BTLA: variants seen among roughly 807,000 people sequenced by gnomAD.
The protein encoded by BTLA is B and T lymphocyte associated.
BTLA carries 11 observed loss-of-function variants against 25.0 expected under a neutral mutation model. The ratio of observed to expected loss-of-function variants is 0.44; its 90% CI spans 0.28 to 0.73. The LOEUF is 0.73. Among genes scored for constraint, BTLA ranks in the 30% least tolerant of loss-of-function variants. The pLI is 0.15. For missense variants in BTLA, 282 were observed against 332.8 expected, an observed-to-expected ratio of 0.85 and a Z score of 1.19; for synonymous variants, 104 against 119.8, an observed-to-expected ratio of 0.87 and a Z score of 0.86.
Position 112,499,266 on chromosome 3 carries a change from C to A in BTLA, c.88+5G>T, listed in dbSNP as rs1284619133. 2 of 1,588,234 alleles carry A rather than the reference C, an allele frequency of 1.3e-6. No individual in the cohort carries two copies. The highest frequency in any genetic ancestry group is 1.1e-5 in the South Asian group (1 of 90,498). On this transcript the variant is annotated splice_donor_5th_base_variant and intron_variant, in intron 1 of 4. Transcript: ENST00000334529. ...AACCAGAAATAACCTAAGCAGGTGC[C>A]TTACCATGGATGTTCCAGATGTCCA... is the stretch of plus-strand genomic sequence containing the variant.
In BTLA at chr3:112,489,325, G is replaced by T. The variant is rs528650198; in HGVS notation, c.89-9556C>A. ...AAGTGTAGTTGCTGAGCTGAAGAGA[G>T]TAGGTAATTTTTGAAACCAATCAGC... On this transcript the variant is annotated intron_variant, in intron 1 of 4. Coordinates refer to ENST00000334529, the MANE Select transcript of BTLA (RefSeq NM_181780.4). Among the ~76,000 whole-genome samples the T allele has an allele frequency of 1.2e-4, 18 of 152,198 alleles. No individual in the cohort carries two copies. The South Asian group carries it at 1.9e-3, about 16-fold the overall frequency.
At chr3:112,478,875 A>G (rs1559826032) in intron 2 of BTLA, among the ~76,000 whole-genome samples, 1 of 152,106 alleles carries the variant, frequency 6.6e-6, no homozygotes, top group Admixed American at 6.5e-5. Context: ...TCAGTTGTCA[A>G]AGCATATTAA....
intron 1 of BTLA, among the ~76,000 whole-genome samples, chr3:112,481,002 T>C (rs186238654): frequency 1.1e-3 from 162 of 152,344 alleles, no homozygotes; most frequent in African/African-American, 3.8e-3. Flanking sequence ...CAAAACAAGT[T>C]ATCTACTTCC....
chr3:112,486,925 G>T (rs959377717), intron 1 of BTLA, among the ~76,000 whole-genome samples: 1 of 152,008 alleles, frequency 6.6e-6, no homozygotes, highest in African/African-American at 2.4e-5. Context: ...TGGTATTATT[G>T]TTTATTTAAA....
chr3:112,492,764 C>A (rs951542840), intron 1 of BTLA, among the ~76,000 whole-genome samples: 1 of 152,132 alleles, frequency 6.6e-6, no homozygotes, highest in Non-Finnish European at 1.5e-5. Context: ...GGGCCATAAC[C>A]CCCCAGATAA....
intron 1 of BTLA, among the ~76,000 whole-genome samples, chr3:112,488,141 T>C (rs1271588548): frequency 6.6e-6 from 1 of 152,188 alleles, no homozygotes; most frequent in East Asian, 1.9e-4. Flanking sequence ...GCGTACCAAA[T>C]GGTCTTCTAC....
At chr3:112,481,368 C>G (rs1387223042) in intron 1 of BTLA, among the ~76,000 whole-genome samples, 1 of 152,236 alleles carries the variant, frequency 6.6e-6, no homozygotes, top group Admixed American at 6.5e-5. Flanking sequence ...CTCTTGCATT[C>G]TGCTAGCCTG....
intron 1 of BTLA, among the ~76,000 whole-genome samples, chr3:112,496,401 C>T (rs1244289245): frequency 6.6e-6 from 1 of 152,136 alleles, no homozygotes; most frequent in African/African-American, 2.4e-5. Context: ...GGACCTTAAA[C>T]AGGAAGTTTG....
intron 1 of BTLA, among the ~76,000 whole-genome samples, chr3:112,482,126 A>T (rs1349530020): frequency 1.3e-5 from 2 of 152,128 alleles, no homozygotes; most frequent in Non-Finnish European, 2.9e-5. Context: ...TAAGCACGTG[A>T]TCCTAAAAGT....
intron 1 of BTLA, among the ~76,000 whole-genome samples, chr3:112,488,865 G>A (rs2082364201): frequency 6.6e-6 from 1 of 151,970 alleles, no homozygotes; most frequent in African/African-American, 2.4e-5. Context: ...ACCCGCCTTG[G>A]CCTCCCAAAG....
chr3:112,476,241 A>G (rs2082288202), intron 2 of BTLA, among the ~76,000 whole-genome samples: 1 of 152,298 alleles, frequency 6.6e-6, no homozygotes, highest in South Asian at 2.1e-4. Context: ...CAGAGTCCCT[A>G]ACTCTGCCAT....
chr3:112,493,504 A>G (rs747054981), intron 1 of BTLA, among the ~76,000 whole-genome samples: 1 of 152,144 alleles, frequency 6.6e-6, no homozygotes, highest in Non-Finnish European at 1.5e-5. Context: ...ATGAACACAC[A>G]GTTCTCTCTG....
At chr3:112,481,892 T>C (rs1328964522) in intron 1 of BTLA, among the ~76,000 whole-genome samples, 2 of 152,240 alleles carry the variant, frequency 1.3e-5, no homozygotes, top group Non-Finnish European at 2.9e-5. Context: ...GCAGCCTAAA[T>C]GCTTTGCGGC....
rs1410100292 is a variant in BTLA at position 112,469,159 on chromosome 3, AT to A, written c.594+598del. ...ACTCAAAAGAAAAGCCTACATTTACATTCCAAACCTTATAGGAAAGATTGAC... is the reference window on the plus strand; with the variant it reads ...ACTCAAAAGAAAAGCCTACATTTACATCCAAACCTTATAGGAAAGATTGAC... On this transcript the variant is annotated intron_variant, in intron 4 of 4. Coordinates refer to ENST00000334529, the MANE Select transcript of BTLA (RefSeq NM_181780.4). Among the ~76,000 whole-genome samples the A allele has an allele frequency of 2.0e-5, 3 of 152,186 alleles. No individual in the cohort carries two copies. In the East Asian group the frequency reaches 5.8e-4, roughly 29 times the overall value.
rs566425325 is a variant in BTLA, at chr3:112,496,111, C to T, written c.88+3160G>A. 8.5e-5 allele frequency among the ~76,000 whole-genome samples: 13 copies of T among 152,294 alleles called. No homozygotes were observed. The South Asian group carries it at 2.7e-3, about 32-fold the overall frequency. ...ATACCCAGACATTAACTGCAGTGTT[C>T]CTGCCTGCCTAAAAGTGGAATCCTT... is the stretch of plus-strand genomic sequence containing the variant. On this transcript the variant is annotated intron_variant, in intron 1 of 4. Coordinates refer to ENST00000334529, the MANE Select transcript of BTLA (RefSeq NM_181780.4).
chr3:112,485,075 G>A (rs567369394), intron 1 of BTLA, among the ~76,000 whole-genome samples: 10 of 151,830 alleles, frequency 6.6e-5, no homozygotes, highest in Non-Finnish European at 1.0e-4. Context: ...ATGAAGTCTC[G>A]CTCTTGTTGC....
intron 1 of BTLA, among the ~76,000 whole-genome samples, chr3:112,486,992 C>T (rs1332607905): frequency 6.6e-6 from 1 of 152,068 alleles, no homozygotes; most frequent in East Asian, 1.9e-4. Flanking sequence ...CACAAAGTGT[C>T]CTTGGAGGAA....
chr3:112,475,626 C>G (rs1225258528), intron 2 of BTLA, among the ~76,000 whole-genome samples: 1 of 152,154 alleles, frequency 6.6e-6, no homozygotes, highest in Non-Finnish European at 1.5e-5. Context: ...ACTTTTGTAT[C>G]ACAATTAATT....
intron 2 of BTLA, 115 bp from the exon 3 acceptor site, chr3:112,471,470 A>C: frequency 8.6e-7 from 1 of 1,157,920 alleles, no homozygotes; most frequent in East Asian, 2.5e-5. Flanking sequence ...CAATGCCTCC[A>C]TTTCCCCTTC....
Sources: gnomAD v4.1 joint callset for allele counts (sites outside exome capture counted in the v4.1 genomes callset) on GRCh38, gnomAD v4.1.1 for gene constraint, MANE v1.5 for transcripts, NCBI Gene and HGNC (gene_info 2026-07-23, HGNC 2026-07-21) for gene names.